Variants in ZNF121 observed in about 807,000 individuals in gnomAD.
ZNF121 encodes zinc finger protein 121 (clone ZHC32).
In ZNF121, 1 loss-of-function variant was observed where a neutral mutation model predicts 2.4. The ratio of observed to expected loss-of-function variants is 0.41; its 90% CI spans 0.15 to 1.94. The LOEUF (loss-of-function observed/expected upper bound fraction) is 1.94. Ranked by LOEUF, ZNF121 falls within the 30% of genes most tolerant of loss-of-function variation. ZNF121 has a pLI of 0.30. For synonymous variants in ZNF121, 173 were observed against 158.6 expected (o/e 1.09, Z -0.68); for missense variants, 369 against 466.3 (o/e 0.79, Z 1.92).
rs1381621096 is a variant in ZNF121, at chr19:9,565,087, A to G, written c.*853T>C. The G allele has an allele frequency of 6.6e-6, 1 of 152,096 alleles. No homozygotes were observed. The highest frequency in any genetic ancestry group is 1.5e-5 in the Non-Finnish European group (1 of 68,034). 9.4% of individuals were successfully genotyped at this position (152,096 alleles called of 1,614,324 possible). ...CTTATATGCACTGGGAAACCAAAAC[A>G]TTTGTATGATTCATGTTATTGTGAT... On this transcript the variant is annotated 3_prime_UTR_variant, in exon 4 of 4. Transcript: ENST00000320451.
intron 1 of ZNF121, among the ~76,000 whole-genome samples, chr19:9,570,462 C>T (rs907037986): frequency 2.6e-5 from 4 of 152,070 alleles, no homozygotes; most frequent in Admixed American, 6.6e-5. Flanking sequence ...AGAGTAGTGG[C>T]GGGAGTGTCG....
At chr19:9,579,233 G>A (rs1195752021) in intron 1 of ZNF121, among the ~76,000 whole-genome samples, 1 of 152,224 alleles carries the variant, frequency 6.6e-6, no homozygotes, top group Non-Finnish European at 1.5e-5. Context: ...GCAGTTGATG[G>A]GAATGTAAAT....
intron 2 of ZNF121, 40 bp from the exon 3 acceptor site, chr19:9,568,215 G>T: frequency 9.6e-7 from 1 of 1,041,880 alleles, no homozygotes; most frequent in Non-Finnish European, 1.4e-6. Flanking sequence ...AATAGGGTCT[G>T]AGAACAAAAC....
Position 9,560,762 on chromosome 19 carries a change from A to G in ZNF121, c.*5178T>C, listed in dbSNP as rs1204601862. On this transcript the variant is annotated 3_prime_UTR_variant, in exon 4 of 4. Transcript: ENST00000320451. ...TGCTTCCACCTCTTGGCTCTTCTGA[A>G]TAATGCTGCAATGAACACAGGTAGG... 1.3e-5 allele frequency: 2 copies of G among 152,250 alleles called. No individual in the cohort carries two copies. The highest frequency in any genetic ancestry group is 2.9e-5 in the Non-Finnish European group (2 of 68,056). The allele number at this position is 152,250 out of a possible 1,614,324, so 9.4% of individuals were successfully genotyped here.
chr19:9,566,841 C>A lies in ZNF121; in HGVS notation c.272G>T (p.Ser91Ile). 1 of 1,614,206 alleles carries A rather than the reference C, an allele frequency of 6.2e-7. No individual in the cohort carries two copies. Residue 91 changes from serine (S) to isoleucine (I), a missense_variant, in exon 4 of 4, where the codon AGT becomes ATT. Ser to Ile is a moderately radical substitution (Grantham distance 142). This residue lies in a region of ZNF121 where 168 missense variants were observed against 162.3 expected (regional missense o/e 1.03). Transcript: ENST00000320451. ...TWIGDKSFEY[S>I]DCEEAFVDQS... ...ATCAACAAAGGCTTCCTCACAGTCA[C>A]TGTATTCAAAGGATTTGTCTCCTAT...
At chr19:9,583,083 G>A (rs2074259672) in intron 1 of ZNF121, among the ~76,000 whole-genome samples, 1 of 133,694 alleles carries the variant, frequency 7.5e-6, no homozygotes, top group South Asian at 2.5e-4. Flanking sequence ...GCTGGGCATG[G>A]TCCCCATGCC....
chr19:9,581,561 AG>A (rs919849715), intron 1 of ZNF121, among the ~76,000 whole-genome samples: 2 of 152,188 alleles, frequency 1.3e-5, no homozygotes, highest in East Asian at 1.9e-4. Context: ...AAGGAGAAAA[AG>A]GGGGGGTACT....
chr19:9,563,040 G>A lies in ZNF121; in HGVS notation c.*2900C>T, dbSNP rs1227774470. 7.3e-6 allele frequency: 1 copy of A among 136,416 alleles called. No homozygotes were observed. The highest frequency in any genetic ancestry group is 1.5e-5 in the Non-Finnish European group (1 of 65,256). 8.5% of individuals were successfully genotyped at this position (136,416 alleles called of 1,614,324 possible). On this transcript the variant is annotated 3_prime_UTR_variant, in exon 4 of 4. Transcript: ENST00000320451. ...ACTACACTCCAGCCTGGGCAAAAGGGAGACCATGTCTCAAAAAAAAAAAAA... is the reference window on the plus strand; with the variant it reads ...ACTACACTCCAGCCTGGGCAAAAGGAAGACCATGTCTCAAAAAAAAAAAAA...
intron 1 of ZNF121, among the ~76,000 whole-genome samples, chr19:9,570,406 C>G (rs564669667): frequency 6.6e-6 from 1 of 152,212 alleles, no homozygotes; most frequent in African/African-American, 2.4e-5. Context: ...CTCCCCCGCC[C>G]TTTGTTGACA....
chr19:9,577,822 G>A (rs565153468), intron 1 of ZNF121, among the ~76,000 whole-genome samples: 3 of 152,210 alleles, frequency 2.0e-5, no homozygotes, highest in East Asian at 3.9e-4. Context: ...GCCGAGGCAG[G>A]TGGATCATTA....
chr19:9,583,276 G>GC (rs1429193427), intron 1 of ZNF121, among the ~76,000 whole-genome samples: 1 of 151,364 alleles, frequency 6.6e-6, no homozygotes, highest in African/African-American at 2.4e-5. Context: ...AAGCTCTGTG[G>GC]GGGGGTACAG....
At position 9,562,819 on chromosome 19, in the gene ZNF121, A is replaced by G. The variant is rs1377392658; in HGVS notation, c.*3121T>C. 1 of 149,454 alleles carries G rather than the reference A, an allele frequency of 6.7e-6. No homozygotes were observed. Among genetic ancestry groups the G allele is most frequent in the African/African-American group, 2.5e-5 (1 of 40,670 alleles). The allele number at this position is 149,454 out of a possible 1,614,324, so 9.3% of individuals were successfully genotyped here. A position where few individuals can be genotyped will look rare whatever the true frequency, so the allele number is the denominator to read the frequency against. ...GTAATCCCAGAGTGTTGGGAGGCAG[A>G]TAGGGGAGCATCACTTGAGGTTTTA... is the stretch of plus-strand genomic sequence containing the variant. On this transcript the variant is annotated 3_prime_UTR_variant, in exon 4 of 4. Coordinates refer to ENST00000320451, the MANE Select transcript of ZNF121 (RefSeq NM_001008727.5).
At chr19:9,580,488 GAAAAAAAAA>G (rs61312088) in intron 1 of ZNF121, among the ~76,000 whole-genome samples, 2 of 131,882 alleles carry the variant, frequency 1.5e-5, no homozygotes, top group African/African-American at 2.6e-5. Flanking sequence ...ACTCAAAAAA[GAAAAAAAAA>G]AAAACTCAGT....
intron 1 of ZNF121, among the ~76,000 whole-genome samples, chr19:9,570,769 C>T (rs192203910): frequency 1.5e-4 from 23 of 151,648 alleles, no homozygotes; most frequent in Admixed American, 6.6e-4. Flanking sequence ...TTAGTACAGA[C>T]GGGGTTTAAC....
At position 9,566,342 on chromosome 19, in the gene ZNF121, T is replaced by G; in HGVS notation, c.771A>C (p.Glu257Asp). 1 of 1,614,002 alleles carries G rather than the reference T, an allele frequency of 6.2e-7. No individual in the cohort carries two copies. Among genetic ancestry groups the G allele is most frequent in the Non-Finnish European group, 8.5e-7 (1 of 1,179,972 alleles). The change falls in exon 4 of 4, where the codon GAA becomes GAC. Residue 257 changes from glutamate (E) to aspartate (D), a missense_variant. Transcript: ENST00000320451. ...FKTHTEEKPF[E>D]CKVCGKSFRS... ...TGAAGGATTTTCCACATACCTTACA[T>G]TCAAAGGGCTTCTCCTCTGTGTGAG... is the stretch of plus-strand genomic sequence containing the variant.
At chr19:9,567,991 T>G in intron 3 of ZNF121, 104 bp downstream of exon 3, 1 of 1,261,258 alleles carries the variant, frequency 7.9e-7, no homozygotes. Flanking sequence ...TCCTCCTGCT[T>G]GAGTAAATGT....
At chr19:9,582,383 C>T (rs2074253779) in intron 1 of ZNF121, among the ~76,000 whole-genome samples, 1 of 152,148 alleles carries the variant, frequency 6.6e-6, no homozygotes, top group Non-Finnish European at 1.5e-5. Flanking sequence ...ATCAATTGAC[C>T]TTGTGACATT....
At chr19:9,570,121 G>A (rs559675940) in intron 1 of ZNF121, among the ~76,000 whole-genome samples, 9 of 151,976 alleles carry the variant, frequency 5.9e-5, no homozygotes, top group East Asian at 5.9e-4. Flanking sequence ...CAGGAGAATC[G>A]CTTTTACTCA....
At chr19:9,581,310 G>A (rs1020791239) in intron 1 of ZNF121, among the ~76,000 whole-genome samples, 2 of 152,134 alleles carry the variant, frequency 1.3e-5, no homozygotes, top group Non-Finnish European at 1.5e-5. Context: ...TCCTGCCCCT[G>A]TACCCTTTCC....
Sources: allele counts gnomAD v4.1 joint callset (sites outside exome capture counted in the v4.1 genomes callset), GRCh38; gene constraint gnomAD v4.1.1; regional missense constraint gnomAD v4.1.1; transcripts MANE v1.5; gene names NCBI Gene and HGNC (gene_info 2026-07-23, HGNC 2026-07-21).